Variants in MED18 observed in about 807,000 individuals in gnomAD.
The protein encoded by MED18 is mediator complex subunit 18.
Under a neutral mutation model 13.9 loss-of-function variants are expected in MED18, and 10 were observed. The ratio of observed to expected loss-of-function variants is 0.72; its 90% CI spans 0.44 to 1.22. MED18 has a LOEUF of 1.22. MED18 is among the 50% of genes most tolerant of loss of function. The pLI is 0.00. For synonymous variants in MED18, 88 were observed against 93.2 expected (o/e 0.94, Z 0.32); for missense variants, 216 against 279.0 (o/e 0.77, Z 1.61).
At position 28,329,050 on chromosome 1, in the gene MED18, T is replaced by G. The variant is rs1017887239; in HGVS notation, c.-197T>G. The G allele has an allele frequency of 6.6e-6, 1 of 152,158 alleles. No individual in the cohort carries two copies. The highest frequency in any genetic ancestry group is 2.1e-4 in the South Asian group (1 of 4,838). The allele number at this position is 152,158 out of a possible 1,614,324, so 9.4% of individuals were successfully genotyped here. On this transcript the variant is annotated 5_prime_UTR_variant, in exon 1 of 3. Transcript: ENST00000373842. ...GTGAGAAGAGGAGGAAGTTGGCTGG[T>G]TGCACCGATCTGGGGGCTTCCCGGG...
In MED18 at chr1:28,334,666, T is replaced by C. The variant is rs1487740846; in HGVS notation, c.323T>C (p.Ile108Thr). 23 of 1,614,064 alleles carry C rather than the reference T, an allele frequency of 1.4e-5. No homozygotes were observed. Among genetic ancestry groups the C allele is most frequent in the Non-Finnish European group, 1.9e-5 (23 of 1,180,038 alleles). The change falls in exon 3 of 3, where the codon ATT becomes ACT. Residue 108 changes from isoleucine to threonine, a missense_variant. Ile to Thr is a moderately conservative substitution (Grantham distance 89). Coordinates refer to ENST00000373842, the MANE Select transcript of MED18 (RefSeq NM_017638.3). ...RHALVRNCVD[I>T]ATSENLTDFL... ...GCCCTGGTGCGAAACTGCGTGGACA[T>C]TGCCACATCTGAGAACCTCACCGAC... is the stretch of plus-strand genomic sequence containing the variant.
chr1:28,333,518 A>G (rs986582337), intron 2 of MED18, among the ~76,000 whole-genome samples: 5 of 152,234 alleles, frequency 3.3e-5, no homozygotes, highest in African/African-American at 1.2e-4. Context: ...CTATGAAGCA[A>G]TTCACTCTCT....
At position 28,333,853 on chromosome 1, in the gene MED18, C is replaced by T. The variant is rs533072295; in HGVS notation, c.74-564C>T. Among the ~76,000 whole-genome samples the T allele has an allele frequency of 9.2e-5, 14 of 152,138 alleles. No individual in the cohort carries two copies. In the East Asian group the frequency reaches 1.7e-3, roughly 19 times the overall value. On this transcript the variant is annotated intron_variant, in intron 2 of 2. Transcript: ENST00000373842. ...CCAGCCTGAAGACAGAGCTAGACTC[C>T]GTCTCAAAAAAAGCGGGGGAGACTT... is the stretch of plus-strand genomic sequence containing the variant.
At position 28,334,798 on chromosome 1, in the gene MED18, TG is replaced by T. The variant is rs781444129; in HGVS notation, c.457del (p.Val153CysfsTer19). On this transcript the variant is annotated frameshift_variant, in exon 3 of 3. Coordinates refer to ENST00000373842, the MANE Select transcript of MED18 (RefSeq NM_017638.3). LOFTEE classifies it high-confidence loss of function. Reference protein sequence around the residue: ...KIMVYKIFRILVPGNTDSTEA... With the variant: ...KIMVYKIFRIXVPGNTDSTEA... Reference sequence around the variant, plus strand: ...ATGGTGTACAAGATTTTCCGCATCCTGGTGCCAGGGAACACAGACAGCACTG... The same window carrying T: ...ATGGTGTACAAGATTTTCCGCATCCTGTGCCAGGGAACACAGACAGCACTG... 1 of 1,614,204 alleles carries T rather than the reference TG, an allele frequency of 6.2e-7. No individual in the cohort carries two copies. Among genetic ancestry groups the T allele is most frequent in the Non-Finnish European group, 8.5e-7 (1 of 1,180,038 alleles).
intron 2 of MED18, among the ~76,000 whole-genome samples, chr1:28,332,912 A>G (rs1331119920): frequency 6.6e-6 from 1 of 152,244 alleles, no homozygotes; most frequent in Non-Finnish European, 1.5e-5. Flanking sequence ...GACTAGGTTG[A>G]AGTGACCAGA....
In MED18 at chr1:28,329,066, G is replaced by C. The variant is rs951985191; in HGVS notation, c.-181G>C. The C allele has an allele frequency of 6.6e-6, 1 of 152,178 alleles. No individual in the cohort carries two copies. The highest frequency in any genetic ancestry group is 2.4e-5 in the African/African-American group (1 of 41,436). 9.4% of individuals were successfully genotyped at this position (152,178 alleles called of 1,614,324 possible). A position where few individuals can be genotyped will look rare whatever the true frequency, so the allele number is the denominator to read the frequency against. On this transcript the variant is annotated 5_prime_UTR_variant, in exon 1 of 3. Coordinates refer to ENST00000373842, the MANE Select transcript of MED18 (RefSeq NM_017638.3). ...GTTGGCTGGTTGCACCGATCTGGGG[G>C]CTTCCCGGGCTCGGGTAACCGGAGT...
Position 28,335,055 on chromosome 1 carries a change from T to C in MED18, c.*85T>C. The stretch of plus-strand genomic sequence containing the variant: ...TTTTTTTGGTTTTTGTTTTGTTTTG[T>C]TTTTGAGACAGAGTCTCGCTTTGTT... On this transcript the variant is annotated 3_prime_UTR_variant, in exon 3 of 3. Transcript: ENST00000373842. The C allele has an allele frequency of 3.0e-6, 4 of 1,311,718 alleles. No individual in the cohort carries two copies. Among genetic ancestry groups the C allele is most frequent in the Non-Finnish European group, 4.2e-6 (4 of 959,306 alleles). 81.3% of individuals were successfully genotyped at this position (1,311,718 alleles called of 1,614,324 possible).
At chr1:28,332,469 G>A (rs1185030674) in intron 2 of MED18, among the ~76,000 whole-genome samples, 1 of 151,888 alleles carries the variant, frequency 6.6e-6, no homozygotes, top group Non-Finnish European at 1.5e-5. Context: ...GAGATTGGTA[G>A]GACACATACT....
intron 2 of MED18, among the ~76,000 whole-genome samples, chr1:28,330,996 T>A (rs961539569): frequency 1.3e-5 from 2 of 152,026 alleles, no homozygotes; most frequent in African/African-American, 4.8e-5. Context: ...ATGGAGACCA[T>A]CCTGGCTAAC....
At chr1:28,331,238 T>C (rs1467441611) in intron 2 of MED18, among the ~76,000 whole-genome samples, 1 of 152,024 alleles carries the variant, frequency 6.6e-6, no homozygotes, top group African/African-American at 2.4e-5. Context: ...AAGTGTACAG[T>C]TCTGTATTGT....
intron 1 of MED18, 81 bp from the exon 2 acceptor site, chr1:28,330,516 C>G: frequency 7.2e-6 from 4 of 557,314 alleles, no homozygotes; most frequent in Non-Finnish European, 9.5e-6. Flanking sequence ...ATGAATGAAT[C>G]TTTGATTTGA....
At chr1:28,334,290 T>C in intron 2 of MED18, 127 bp from the exon 3 acceptor site, 1 of 976,086 alleles carries the variant, frequency 1.0e-6, no homozygotes, top group Admixed American at 2.4e-5. Flanking sequence ...ATCTCATGTT[T>C]GGCTGTATGT....
intron 2 of MED18, among the ~76,000 whole-genome samples, chr1:28,332,184 T>G (rs906005168): frequency 2.6e-5 from 4 of 152,132 alleles, no homozygotes; most frequent in Non-Finnish European, 5.9e-5. Context: ...AGGCTAAGGC[T>G]GCAGTACTGC....
chr1:28,329,938 T>A (rs1367326220), intron 1 of MED18, among the ~76,000 whole-genome samples: 1 of 152,158 alleles, frequency 6.6e-6, no homozygotes, highest in African/African-American at 2.4e-5. Flanking sequence ...TGCCTCTTTA[T>A]TATCTCGTTT....
chr1:28,334,063 A>G (rs1332082708), intron 2 of MED18, among the ~76,000 whole-genome samples: 1 of 152,164 alleles, frequency 6.6e-6, no homozygotes, highest in African/African-American at 2.4e-5. Flanking sequence ...CCCCAACTCT[A>G]CAAAAATAAA....
intron 2 of MED18, 45 bp downstream of exon 2, chr1:28,330,780 G>C (rs746313096): frequency 1.4e-6 from 2 of 1,467,198 alleles, no homozygotes; most frequent in African/African-American, 1.4e-5. Flanking sequence ...CCTCTTCTCT[G>C]TTCAGCTTCC....
rs143992475 is a variant in MED18 at position 28,329,545 on chromosome 1, C to T, written c.-67+365C>T. The stretch of plus-strand genomic sequence containing the variant: ...CCAGTTGATCCGCCGGCCTCGGCCT[C>T]CCAAAGTACTGAGATTACAGGCGTG... On this transcript the variant is annotated intron_variant, in intron 1 of 2. Transcript: ENST00000373842. Among the ~76,000 whole-genome samples, 536 of 152,154 alleles carry T rather than the reference C, an allele frequency of 3.5e-3. 2 individuals carry two copies. The highest frequency in any genetic ancestry group is 0.012 in the African/African-American group (499 of 41,522).
chr1:28,334,322 C>A, intron 2 of MED18, 95 bp from the exon 3 acceptor site: 2 of 1,331,356 alleles, frequency 1.5e-6, no homozygotes, highest in Admixed American at 2.3e-5. Context: ...CTTCACTAAA[C>A]TGTTTTGGTT....
At position 28,335,471 on chromosome 1, in the gene MED18, C is replaced by CTTTCTA. The variant is rs1327681848; in HGVS notation, c.*503_*508dup. The CTTTCTA allele has an allele frequency of 6.2e-6, 1 of 161,934 alleles. No individual in the cohort carries two copies. Among genetic ancestry groups the CTTTCTA allele is most frequent in the East Asian group, 1.7e-4 (1 of 5,752 alleles). 10.0% of individuals were successfully genotyped at this position (161,934 alleles called of 1,614,324 possible). On this transcript the variant is annotated 3_prime_UTR_variant, in exon 3 of 3. Coordinates refer to ENST00000373842, the MANE Select transcript of MED18 (RefSeq NM_017638.3). ...GTGGCGATTTCACTTTCATGACAGC[C>CTTTCTA]TTTCTATATTAAAGGCTCAGGATGT...
Sources: allele counts gnomAD v4.1 joint callset (sites outside exome capture counted in the v4.1 genomes callset), GRCh38; gene constraint gnomAD v4.1.1; transcripts MANE v1.5; gene names NCBI Gene and HGNC (gene_info 2026-07-23, HGNC 2026-07-21).